Variants in PARP11 observed in about 807,000 individuals in gnomAD.
PARP11 encodes protein mono-ADP-ribosyltransferase PARP11.
PARP11 carries 31 observed loss-of-function variants against 42.9 expected under a neutral mutation model. The ratio of observed to expected loss-of-function variants is 0.72; its 90% CI spans 0.54 to 0.98. The LOEUF (loss-of-function observed/expected upper bound fraction) is 0.98. Ranked by LOEUF, PARP11 falls within the 50% of genes least tolerant of loss-of-function variation. The pLI is 0.00. For synonymous variants in PARP11, 137 were observed against 127.3 expected (o/e 1.08, Z -0.51); for missense variants, 365 against 413.1 (o/e 0.88, Z 1.01).
intron 7 of PARP11, among the ~76,000 whole-genome samples, chr12:3,813,743 C>G (rs1947228642): frequency 6.6e-6 from 1 of 152,140 alleles, no homozygotes; most frequent in South Asian, 2.1e-4. Flanking sequence ...CCTTAATTTG[C>G]CTGAGTACCA....
chr12:3,839,046 C>A (rs1433852093), intron 1 of PARP11, among the ~76,000 whole-genome samples: 1 of 152,112 alleles, frequency 6.6e-6, no homozygotes, highest in Admixed American at 6.5e-5. Context: ...CCGCTCCCCC[C>A]GTTTGTCGTG....
chr12:3,852,674 G>A (rs1948118454), intron 1 of PARP11, among the ~76,000 whole-genome samples: 1 of 152,230 alleles, frequency 6.6e-6, no homozygotes, highest in South Asian at 2.1e-4. Flanking sequence ...ACCTGAAAGT[G>A]ACGGGGCGAA....
intron 1 of PARP11, among the ~76,000 whole-genome samples, chr12:3,856,301 G>A (rs1565549216): frequency 6.6e-6 from 1 of 152,260 alleles, no homozygotes; most frequent in East Asian, 1.9e-4. Context: ...TTTCTGCACA[G>A]CACAAGAAAC....
At chr12:3,844,880 G>A (rs182548050) in intron 1 of PARP11, among the ~76,000 whole-genome samples, 32 of 152,274 alleles carry the variant, frequency 2.1e-4, no homozygotes, top group African/African-American at 7.0e-4. Context: ...ATTAGTCCAC[G>A]GGATTTTGCC....
intron 1 of PARP11, among the ~76,000 whole-genome samples, chr12:3,848,135 T>C (rs1948034769): frequency 6.6e-6 from 1 of 152,088 alleles, no homozygotes; most frequent in Admixed American, 6.5e-5. Flanking sequence ...GGAAAAACTA[T>C]AAAATGCTTA....
rs117911054 is a variant in PARP11 at position 3,836,735 on chromosome 12, G to C, written c.19-6717C>G. On this transcript the variant is annotated intron_variant, in intron 1 of 7. Transcript: ENST00000228820. ...CAAGATTATCGCCAGCAATATCCCA[G>C]AATGCAAATATTATGTAGGGAGAGA... Among the ~76,000 whole-genome samples the C allele has an allele frequency of 3.6e-3, 544 of 152,276 alleles. 3 individuals carry two copies. The highest frequency in any genetic ancestry group is 7.6e-3 in the Admixed American group (116 of 15,304).
chr12:3,859,079 C>G (rs1189119285), intron 1 of PARP11, among the ~76,000 whole-genome samples: 3 of 141,140 alleles, frequency 2.1e-5, no homozygotes, highest in Non-Finnish European at 3.0e-5. Context: ...GCCTGGGCGA[C>G]AGAGCAAGAC....
intron 1 of PARP11, among the ~76,000 whole-genome samples, chr12:3,872,194 C>A (rs150261985): frequency 0.011 from 1,712 of 152,236 alleles, 23 homozygotes; most frequent in African/African-American, 0.038. Flanking sequence ...TGCTGGGCTT[C>A]CTTCCTCAGT....
chr12:3,818,981 G>C (rs767074497), intron 6 of PARP11, among the ~76,000 whole-genome samples: 1 of 151,862 alleles, frequency 6.6e-6, no homozygotes, highest in African/African-American at 2.4e-5. Context: ...CATTCCTATA[G>C]TTTCTATTAC....
Position 3,840,060 on chromosome 12 carries a change from T to C in PARP11, c.19-10042A>G. On this transcript the variant is annotated intron_variant, in intron 1 of 7. Transcript: ENST00000228820. The surrounding 1 kb of genome is among the most constrained non-coding windows in gnomAD (Gnocchi z 4.4). ...GAAAGGTTCTTAAGTCACTCAATCC[T>C]GCAGTCTATAGAAATGTGGAATATG... The C allele has an allele frequency of 1.2e-6, 2 of 1,609,586 alleles. No individual in the cohort carries two copies. The highest frequency in any genetic ancestry group is 1.7e-6 in the Non-Finnish European group (2 of 1,175,774).
rs952096748 is a variant in PARP11, at chr12:3,840,605, A to T, written c.19-10587T>A. 3.7e-6 allele frequency: 5 copies of T among 1,344,892 alleles called. No individual in the cohort carries two copies. In the African/African-American group the frequency reaches 7.2e-5, roughly 19 times the overall value. 83.3% of individuals were successfully genotyped at this position (1,344,892 alleles called of 1,614,324 possible). A position where few individuals can be genotyped will look rare whatever the true frequency, so the allele number is the denominator to read the frequency against. ...GAGGATTCTGATCACACAAGTCGAGAATCTAACTATTGCTACTTCTCAGAG... is the reference window on the plus strand; with the variant it reads ...GAGGATTCTGATCACACAAGTCGAGTATCTAACTATTGCTACTTCTCAGAG... On this transcript the variant is annotated intron_variant, in intron 1 of 7. Transcript: ENST00000228820. This position sits in a 1 kb window ranked among gnomAD's most constrained non-coding sequence, Gnocchi z 4.4.
At chr12:3,839,814 G>A (rs1342856000) in intron 1 of PARP11, 2 of 1,146,202 alleles carry the variant, frequency 1.7e-6, no homozygotes, top group African/African-American at 3.0e-5. Context: ...TTTATGAATT[G>A]CTGTATGAGA....
At chr12:3,868,112 GC>G (rs1399651479) in intron 1 of PARP11, among the ~76,000 whole-genome samples, 1 of 151,156 alleles carries the variant, frequency 6.6e-6, no homozygotes, top group African/African-American at 2.4e-5. Context: ...GTAAGAAGCT[GC>G]AAAAAAAAAA....
At chr12:3,841,998 G>A in intron 1 of PARP11, 2 of 1,610,832 alleles carry the variant, frequency 1.2e-6, no homozygotes, top group Non-Finnish European at 1.7e-6. Flanking sequence ...AATCTTCCCA[G>A]ACACGAAAGG....
Position 3,867,334 on chromosome 12 carries a change from G to A in PARP11, c.18+5878C>T, listed in dbSNP as rs140936299. On this transcript the variant is annotated intron_variant, in intron 1 of 7. Transcript: ENST00000228820. ...AGATGTTGCAGAAGGAAATGGCAGC[G>A]TTTGCAAGATTATTCTTCCCACGCA... Among the ~76,000 whole-genome samples, 457 of 152,246 alleles carry A rather than the reference G, an allele frequency of 3.0e-3. 1 individual carries two copies. The highest frequency in any genetic ancestry group is 6.8e-3 in the Middle Eastern group (2 of 294).
rs1947740846 is a variant in PARP11 at position 3,835,445 on chromosome 12, T to A, written c.19-5427A>T. Among the ~76,000 whole-genome samples the A allele has an allele frequency of 2.0e-5, 3 of 152,292 alleles. No homozygotes were observed. In the South Asian group the frequency reaches 6.2e-4, roughly 32 times the overall value. On this transcript the variant is annotated intron_variant, in intron 1 of 7. Coordinates refer to ENST00000228820, the MANE Select transcript of PARP11 (RefSeq NM_020367.6). Reference sequence around the variant, plus strand: ...TCAGTATCCAGAGTTGCTATGTTACTTAAAATATCCAGTTCTCAACAAAAA... The same window carrying A: ...TCAGTATCCAGAGTTGCTATGTTACATAAAATATCCAGTTCTCAACAAAAA...
intron 1 of PARP11, chr12:3,841,168 T>G (rs998453605): frequency 6.3e-7 from 1 of 1,586,204 alleles, no homozygotes; most frequent in African/African-American, 1.3e-5. Flanking sequence ...AGACCCACTC[T>G]ATCCTGGGTT....
In PARP11 at chr12:3,826,184, T is replaced by C. The variant is rs1250399918; in HGVS notation, c.318A>G (p.Arg106=). Residue 106 remains arginine (R), a synonymous_variant, in exon 4 of 8, where the codon AGA becomes AGG. Coordinates refer to ENST00000228820, the MANE Select transcript of PARP11 (RefSeq NM_020367.6). ...LTTGKQRLIK[R]APFSISAFSY... is the part of the protein sequence containing the mutation. The stretch of plus-strand genomic sequence containing the variant: ...TGAAAGCACTGATAGAAAAGGGGGC[T>C]CTTTTTATTAAGCGCTGCTTTCCAG... 6.3e-7 allele frequency: 1 copy of C among 1,599,112 alleles called. No homozygotes were observed. The highest frequency in any genetic ancestry group is 8.5e-7 in the Non-Finnish European group (1 of 1,175,426).
Position 3,873,317 on chromosome 12 carries a change from C to A in PARP11, c.-88G>T. On this transcript the variant is annotated 5_prime_UTR_variant, in exon 1 of 8. Coordinates refer to ENST00000228820, the MANE Select transcript of PARP11 (RefSeq NM_020367.6). Reference sequence around the variant, plus strand: ...TGGATTTTTTTTTTTCCCGCGGGTCCCCGGGAGCGAAGGGACGGAGATGCA... The same window carrying A: ...TGGATTTTTTTTTTTCCCGCGGGTCACCGGGAGCGAAGGGACGGAGATGCA... 6 of 1,301,624 alleles carry A rather than the reference C, an allele frequency of 4.6e-6. No individual in the cohort carries two copies. Among genetic ancestry groups the A allele is most frequent in the Non-Finnish European group, 4.3e-6 (4 of 919,752 alleles). The allele number at this position is 1,301,624 out of a possible 1,614,324, so 80.6% of individuals were successfully genotyped here. A position where few individuals can be genotyped will look rare whatever the true frequency, so the allele number is the denominator to read the frequency against.
Sources: allele counts gnomAD v4.1 joint callset (sites outside exome capture counted in the v4.1 genomes callset), GRCh38; gene constraint gnomAD v4.1.1; non-coding constraint Gnocchi (gnomAD v3.1); transcripts MANE v1.5; gene names NCBI Gene and HGNC (gene_info 2026-07-23, HGNC 2026-07-21).